The following NIPA2 variants were observed in gnomAD, a reference collection of about 807,000 sequenced individuals.
NIPA2 encodes NIPA magnesium transporter 2.
Under a neutral mutation model 29.7 loss-of-function variants are expected in NIPA2, and 11 were observed. The observed-to-expected ratio is 0.37, with a 90% confidence interval of 0.23 to 0.61. The LOEUF is 0.61. Ranked by LOEUF, NIPA2 falls within the 20% of genes least tolerant of loss-of-function variation. The pLI, the probability that NIPA2 is intolerant of heterozygous loss-of-function variation, is 0.66. For missense variants in NIPA2, 426 were observed against 437.9 expected (o/e 0.97, Z 0.24); for synonymous variants, 183 against 161.9 (o/e 1.13, Z -0.99).
intron 7 of NIPA2, among the ~76,000 whole-genome samples, chr15:22,865,890 TCTC>T (rs2141657888): frequency 6.6e-6 from 1 of 152,282 alleles, no homozygotes; most frequent in East Asian, 1.9e-4. Flanking sequence ...CCTCATGGTT[TCTC>T]CTCCCTAGTT....
At position 22,838,868 on chromosome 15, in the gene NIPA2, G is replaced by A. The variant is rs981574894; in HGVS notation, c.-405G>A. ...GGCCTGTGTGGGGGTGTGAGCCGCG[G>A]TGCCCAAGGCTGCGCCGGCGAGGGG... is the stretch of plus-strand genomic sequence containing the variant. On this transcript the variant is annotated 5_prime_UTR_variant, in exon 1 of 8. In the 5' UTR this introduces an upstream ATG that the reference lacks. Coordinates refer to ENST00000337451, the MANE Select transcript of NIPA2 (RefSeq NM_030922.7). 1.3e-5 allele frequency: 2 copies of A among 152,442 alleles called. No homozygotes were observed. Among genetic ancestry groups the A allele is most frequent in the African/African-American group, 4.8e-5 (2 of 41,460 alleles). 9.4% of individuals were successfully genotyped at this position (152,442 alleles called of 1,614,324 possible). A position where few individuals can be genotyped will look rare whatever the true frequency, so the allele number is the denominator to read the frequency against.
chr15:22,839,846 T>A (rs913545768), intron 2 of NIPA2, 56 bp downstream of exon 2: 2 of 152,214 alleles, frequency 1.3e-5, no homozygotes, highest in African/African-American at 4.8e-5. Flanking sequence ...GGTTGGAGAT[T>A]TAGGTTCTGT....
intron 7 of NIPA2, among the ~76,000 whole-genome samples, chr15:22,865,448 T>C (rs1018228919): frequency 1.3e-4 from 19 of 151,542 alleles, no homozygotes; most frequent in Admixed American, 3.9e-4. Flanking sequence ...ATCGCACCAC[T>C]GCACTCCAGC....
intron 3 of NIPA2, among the ~76,000 whole-genome samples, chr15:22,849,783 C>T (rs1470999758): frequency 2.0e-5 from 3 of 151,804 alleles, no homozygotes; most frequent in South Asian, 4.1e-4. Flanking sequence ...CAGGATGACT[C>T]GATCTCCTGA....
chr15:22,840,772 A>G (rs58729126), intron 2 of NIPA2, among the ~76,000 whole-genome samples: 2,075 of 152,270 alleles, frequency 0.014, 46 homozygotes, highest in African/African-American at 0.048. Context: ...GATGCATGGA[A>G]TAGTGCCTGG....
intron 2 of NIPA2, 114 bp downstream of exon 2, chr15:22,839,904 G>C (rs1896547076): frequency 6.6e-6 from 1 of 152,104 alleles, no homozygotes; most frequent in Non-Finnish European, 1.5e-5. Context: ...AGCCAAGTGA[G>C]AGGTTGGAAA....
intron 5 of NIPA2, among the ~76,000 whole-genome samples, chr15:22,854,817 T>A (rs920631320): frequency 3.3e-5 from 5 of 152,160 alleles, no homozygotes; most frequent in Admixed American, 1.3e-4. Context: ...TTGATGTTAT[T>A]CACCAGGTAT....
intron 1 of NIPA2, among the ~76,000 whole-genome samples, chr15:22,839,354 G>A (rs1235247153): frequency 2.0e-5 from 3 of 152,112 alleles, no homozygotes; most frequent in Admixed American, 1.3e-4. Flanking sequence ...TGGTGTTTGT[G>A]CCTCCTTAAT....
intron 2 of NIPA2, among the ~76,000 whole-genome samples, chr15:22,840,986 G>A: frequency 7.9e-6 from 1 of 126,438 alleles, no homozygotes; most frequent in East Asian, 2.7e-4. Context: ...TGAACAGAAA[G>A]ATAAGACTTC....
intron 2 of NIPA2, among the ~76,000 whole-genome samples, chr15:22,840,865 T>C (rs1170927907): frequency 6.6e-6 from 1 of 152,204 alleles, no homozygotes; most frequent in Non-Finnish European, 1.5e-5. Flanking sequence ...TTTTAATAGG[T>C]AAATATGGTT....
rs572389055 is a variant in NIPA2 at position 22,845,404 on chromosome 15, A to C, written c.-94+137A>C. ...CTGGTACAGTTCCATGCATGAAGAA[A>C]CAACCAGATCACCTTATTTGGTGAT... On this transcript the variant is annotated intron_variant, in intron 3 of 7. Coordinates refer to ENST00000337451, the MANE Select transcript of NIPA2 (RefSeq NM_030922.7). 3 of 152,292 alleles carry C rather than the reference A, an allele frequency of 2.0e-5. No individual in the cohort carries two copies. The East Asian group carries it at 5.8e-4, about 29-fold the overall frequency. 9.4% of individuals were successfully genotyped at this position (152,292 alleles called of 1,614,324 possible). A position where few individuals can be genotyped will look rare whatever the true frequency, so the allele number is the denominator to read the frequency against.
At chr15:22,851,330 T>C (rs2057723257) in intron 3 of NIPA2, among the ~76,000 whole-genome samples, 1 of 152,214 alleles carries the variant, frequency 6.6e-6, no homozygotes, top group Admixed American at 6.5e-5. Context: ...ATATTATGCC[T>C]AATTTTTTCT....
At chr15:22,848,090 G>A (rs541932930) in intron 3 of NIPA2, among the ~76,000 whole-genome samples, 112 of 152,270 alleles carry the variant, frequency 7.4e-4, no homozygotes, top group Middle Eastern at 6.8e-3. Flanking sequence ...GAGCCACCAC[G>A]CCTGGTCGAT....
intron 7 of NIPA2, among the ~76,000 whole-genome samples, chr15:22,865,824 G>C (rs1226482030): frequency 6.7e-6 from 1 of 150,098 alleles, no homozygotes; most frequent in African/African-American, 2.5e-5. Context: ...AAGAACTCTT[G>C]TTTTTGTGTT....
intron 2 of NIPA2, among the ~76,000 whole-genome samples, chr15:22,840,878 C>T (rs1896904476): frequency 1.3e-5 from 2 of 152,032 alleles, no homozygotes; most frequent in South Asian, 2.1e-4. Context: ...ATATGGTTTA[C>T]TCATATTTAA....
At chr15:22,844,246 T>C (rs1010252234) in intron 2 of NIPA2, among the ~76,000 whole-genome samples, 4 of 152,212 alleles carry the variant, frequency 2.6e-5, no homozygotes, top group East Asian at 1.9e-4. Context: ...ATTACAAATA[T>C]TAGTAAAATC....
At position 22,846,840 on chromosome 15, in the gene NIPA2, A is replaced by AATAATTATT. The variant is rs1555380236; in HGVS notation, c.-94+1575_-94+1576insAATTATTAT. Among the ~76,000 whole-genome samples the AATAATTATT allele has an allele frequency of 2.7e-3, 366 of 134,976 alleles. 1 individual carries two copies. Among genetic ancestry groups the AATAATTATT allele is most frequent in the African/African-American group, 6.1e-3 (218 of 35,954 alleles). 88.5% of individuals were successfully genotyped at this position (134,976 alleles called of 152,430 possible). A position where few individuals can be genotyped will look rare whatever the true frequency, so the allele number is the denominator to read the frequency against. On this transcript the variant is annotated intron_variant, in intron 3 of 7. Coordinates refer to ENST00000337451, the MANE Select transcript of NIPA2 (RefSeq NM_030922.7). ...CCAAAATAATAATAATAATAATAATAATTATTATTATTATTATTTAAATTT... is the reference window on the plus strand; with the variant it reads ...CCAAAATAATAATAATAATAATAATAATAATTATTATTATTATTATTATTATTTAAATTT...
At chr15:22,841,561 T>A (rs771521978) in intron 2 of NIPA2, among the ~76,000 whole-genome samples, 4 of 152,068 alleles carry the variant, frequency 2.6e-5, no homozygotes, top group Non-Finnish European at 5.9e-5. Flanking sequence ...CAGGCTAGAG[T>A]GCAGCTGTGC....
chr15:22,849,663 C>G (rs1333997797), intron 3 of NIPA2, among the ~76,000 whole-genome samples: 2 of 151,894 alleles, frequency 1.3e-5, no homozygotes, highest in Non-Finnish European at 2.9e-5. Context: ...AGGTTCATGC[C>G]ATTCTCCCGC....
Sources: gnomAD v4.1 joint callset for allele counts (sites outside exome capture counted in the v4.1 genomes callset) on GRCh38, gnomAD v4.1.1 for gene constraint, MANE v1.5 for transcripts, NCBI Gene and HGNC (gene_info 2026-07-23, HGNC 2026-07-21) for gene names.